The following VPS37C variants were observed in gnomAD, a reference collection of about 807,000 sequenced individuals.
The protein encoded by VPS37C is VPS37C subunit of ESCRT-I.
A neutral mutation model predicts 16.1 loss-of-function variants in VPS37C; 9 were observed. The ratio of observed to expected loss-of-function variants is 0.56; its 90% CI spans 0.34 to 0.97. VPS37C has a LOEUF of 0.97. Ranked by LOEUF, VPS37C falls within the 50% of genes least tolerant of loss-of-function variation. The probability of loss-of-function intolerance (pLI) is 0.02; values close to 1 mark genes in which losing one functional copy is unlikely to be tolerated. For missense variants in VPS37C, 479 were observed against 472.7 expected, an observed-to-expected ratio of 1.01 and a Z score of -0.12; for synonymous variants, 207 against 206.4, an observed-to-expected ratio of 1.00 and a Z score of -0.02.
intron 1 of VPS37C, among the ~76,000 whole-genome samples, chr11:61,154,177 T>A (rs1853345447): frequency 6.6e-6 from 1 of 151,912 alleles, no homozygotes; most frequent in Non-Finnish European, 1.5e-5. Context: ...ATTCACAACA[T>A]CTGATATACA....
rs1177969091 is a variant in VPS37C at position 61,132,053 on chromosome 11, C to T, written c.835G>A (p.Ala279Thr). ...CGCAAGGGGTACCCAGGCCCAGAGG[C>T]ACCCATTGGGGTCCCAGGATAGCCC... ...RPGYPGTPMG[A>T]SGPGYPLRGG... The change falls in exon 5 of 5, where the codon GCC (alanine) becomes ACC (threonine). Residue 279 changes from alanine to threonine, a missense_variant. Coordinates refer to ENST00000301765, the MANE Select transcript of VPS37C (RefSeq NM_017966.5). 9 of 1,390,130 alleles carry T rather than the reference C, an allele frequency of 6.5e-6. No homozygotes were observed. The highest frequency in any genetic ancestry group is 8.4e-6 in the Non-Finnish European group (9 of 1,068,076). 86.1% of individuals were successfully genotyped at this position (1,390,130 alleles called of 1,614,324 possible). A position where few individuals can be genotyped will look rare whatever the true frequency, so the allele number is the denominator to read the frequency against.
chr11:61,156,400 T>C (rs540268735), intron 1 of VPS37C, among the ~76,000 whole-genome samples: 17 of 152,228 alleles, frequency 1.1e-4, no homozygotes, highest in East Asian at 3.9e-4. Flanking sequence ...CTAGCCAACA[T>C]GGTGAAATCC....
chr11:61,132,100 T>C lies in VPS37C; in HGVS notation c.788A>G (p.Gln263Arg). ...RGAAGYSWSP[Q>R]RSMPPRPGYP... Reference sequence around the variant, plus strand: ...GCCCGGCCGGGGTGGCATGCTCCTCTGTGGGGACCAGGAGTAACCCGCAGC... The same window carrying C: ...GCCCGGCCGGGGTGGCATGCTCCTCCGTGGGGACCAGGAGTAACCCGCAGC... The change falls in exon 5 of 5, where the codon CAG becomes CGG. Residue 263 changes from glutamine to arginine, a missense_variant. Gln to Arg is a conservative substitution (Grantham distance 43, BLOSUM62 1). Transcript: ENST00000301765. 1 of 1,419,720 alleles carries C rather than the reference T, an allele frequency of 7.0e-7. No individual in the cohort carries two copies. The highest frequency in any genetic ancestry group is 9.2e-7 in the Non-Finnish European group (1 of 1,082,610). 87.9% of individuals were successfully genotyped at this position (1,419,720 alleles called of 1,614,324 possible). A position where few individuals can be genotyped will look rare whatever the true frequency, so the allele number is the denominator to read the frequency against.
At chr11:61,147,320 T>G (rs1436432363) in intron 1 of VPS37C, among the ~76,000 whole-genome samples, 1 of 152,212 alleles carries the variant, frequency 6.6e-6, no homozygotes, top group Non-Finnish European at 1.5e-5. Context: ...GCAGCATTTC[T>G]GGGTGCAGCC....
At chr11:61,134,774 A>T (rs1861335637) in intron 2 of VPS37C, among the ~76,000 whole-genome samples, 1 of 152,130 alleles carries the variant, frequency 6.6e-6, no homozygotes, top group South Asian at 2.1e-4. Flanking sequence ...TATGCCACAC[A>T]TGTGTCCTGC....
At chr11:61,147,183 G>A (rs1853225491) in intron 1 of VPS37C, among the ~76,000 whole-genome samples, 1 of 152,190 alleles carries the variant, frequency 6.6e-6, no homozygotes, top group African/African-American at 2.4e-5. Context: ...GTGGGGCAGA[G>A]GGGAGAGGTG....
chr11:61,135,623 T>C lies in VPS37C; in HGVS notation c.94-1416A>G, dbSNP rs552593093. 3.2e-4 allele frequency among the ~76,000 whole-genome samples: 49 copies of C among 152,312 alleles called. No homozygotes were observed. The South Asian group carries it at 0.01, about 32-fold the overall frequency. On this transcript the variant is annotated intron_variant, in intron 2 of 4. Transcript: ENST00000301765. ...TAAGTTCTTTTATTTTCTGTAGAGA[T>C]GGGGTTTCCCTACGTTGCCCAGGCT...
chr11:61,132,938 A>T, intron 4 of VPS37C: 2 of 531,412 alleles, frequency 3.8e-6, no homozygotes. Context: ...AGGTGGCCGG[A>T]GGGAAGCAGG....
In VPS37C at chr11:61,130,761, T is replaced by A; in HGVS notation, c.*1059A>T. ...CTGAAGACAGGGAGGTGTGAAAAAATTGCCCCTAATGTAGTGATGGTGTTT... is the reference window on the plus strand; with the variant it reads ...CTGAAGACAGGGAGGTGTGAAAAAAATGCCCCTAATGTAGTGATGGTGTTT... On this transcript the variant is annotated 3_prime_UTR_variant, in exon 5 of 5. Transcript: ENST00000301765. 2 of 420,632 alleles carry A rather than the reference T, an allele frequency of 4.8e-6. No individual in the cohort carries two copies. Among genetic ancestry groups the A allele is most frequent in the South Asian group, 3.4e-5 (2 of 58,846 alleles). The allele number at this position is 420,632 out of a possible 1,614,324, so 26.1% of individuals were successfully genotyped here.
intron 3 of VPS37C, 106 bp from the exon 4 acceptor site, chr11:61,133,443 AG>A (rs756088795): frequency 1.7e-6 from 2 of 1,161,584 alleles, no homozygotes; most frequent in Non-Finnish European, 2.5e-6. Context: ...CCACCACAGC[AG>A]GGTCCACCAA....
intron 1 of VPS37C, among the ~76,000 whole-genome samples, chr11:61,151,077 G>GCAGAGCCTGAACTGCAA (rs1464552506): frequency 1.3e-5 from 2 of 152,270 alleles, no homozygotes; most frequent in East Asian, 3.9e-4. Flanking sequence ...GGGAGGAAAC[G>GCAGAGCCTGAACTGCAA]CAGAGCCTGA....
chr11:61,132,557 C>A lies in VPS37C; in HGVS notation c.349-18G>T, dbSNP rs2134625538. The A allele has an allele frequency of 6.4e-7, 1 of 1,560,564 alleles. No homozygotes were observed. Among genetic ancestry groups the A allele is most frequent in the Non-Finnish European group, 8.7e-7 (1 of 1,151,536 alleles). ...GCCATGGCCTGGAAGACATAAGGTC[C>A]AGTGACAACAGGGGCAGCTGGGATC... On this transcript the variant is annotated intron_variant, in intron 4 of 4. Transcript: ENST00000301765.
At chr11:61,142,613 C>T (rs1861490103) in intron 1 of VPS37C, among the ~76,000 whole-genome samples, 1 of 152,102 alleles carries the variant, frequency 6.6e-6, no homozygotes, top group Non-Finnish European at 1.5e-5. Context: ...ATGGGTCATG[C>T]AGCCTCTGAA....
At position 61,130,507 on chromosome 11, in the gene VPS37C, C is replaced by T. The variant is rs1861234258; in HGVS notation, c.*1313G>A. The T allele has an allele frequency of 4.8e-6, 1 of 207,036 alleles. No homozygotes were observed. The highest frequency in any genetic ancestry group is 2.4e-5 in the African/African-American group (1 of 41,872). The allele number at this position is 207,036 out of a possible 1,614,324, so 12.8% of individuals were successfully genotyped here. On this transcript the variant is annotated 3_prime_UTR_variant, in exon 5 of 5. Transcript: ENST00000301765. The stretch of plus-strand genomic sequence containing the variant: ...CTTGGCCCCAGCAGCCCCGGGCCCA[C>T]CAGATGCTGCGTCCTCAGGTAGTGG...
In VPS37C at chr11:61,130,631, ACC is replaced by A. The variant is rs1039942122; in HGVS notation, c.*1187_*1188del. On this transcript the variant is annotated 3_prime_UTR_variant, in exon 5 of 5. Transcript: ENST00000301765. Reference sequence around the variant, plus strand: ...GAACAACCAAGTTAACACTCATCACACCCCCTTTGTCTATTGTATTCATTCTT... The same window carrying A: ...GAACAACCAAGTTAACACTCATCACACCCTTTGTCTATTGTATTCATTCTT... The A allele has an allele frequency of 1.0e-5, 3 of 291,938 alleles. No individual in the cohort carries two copies. Among genetic ancestry groups the A allele is most frequent in the African/African-American group, 7.1e-5 (3 of 42,200 alleles). The allele number at this position is 291,938 out of a possible 1,614,324, so 18.1% of individuals were successfully genotyped here.
intron 1 of VPS37C, among the ~76,000 whole-genome samples, chr11:61,148,949 G>C (rs750237950): frequency 6.6e-6 from 1 of 152,224 alleles, no homozygotes; most frequent in Non-Finnish European, 1.5e-5. Context: ...GGTTGGGGTT[G>C]GAGATTCCTC....
chr11:61,132,344 C>G lies in VPS37C; in HGVS notation c.544G>C (p.Val182Leu), dbSNP rs556654929. 2 of 1,598,706 alleles carry G rather than the reference C, an allele frequency of 1.3e-6. No individual in the cohort carries two copies. The highest frequency in any genetic ancestry group is 2.3e-5 in the East Asian group (1 of 44,328). The change falls in exon 5 of 5, where the codon GTC becomes CTC. Residue 182 changes from valine (V) to leucine (L), a missense_variant. Physicochemically the swap from Val to Leu is conservative, Grantham distance 32 (BLOSUM62 1). Coordinates refer to ENST00000301765, the MANE Select transcript of VPS37C (RefSeq NM_017966.5). The part of the protein sequence containing the change: ...PPRPPPPVRP[V>L]PQGTPPVVEE... ...ACCACAGGGGGTGTTCCCTGGGGGA[C>G]TGGGCGCACCGGGGGTGGTGGACGG... is the stretch of plus-strand genomic sequence containing the variant.
chr11:61,132,326 G>T lies in VPS37C; in HGVS notation c.562C>A (p.Pro188Thr). The T allele has an allele frequency of 6.3e-7, 1 of 1,598,912 alleles. No individual in the cohort carries two copies. The highest frequency in any genetic ancestry group is 8.5e-7 in the Non-Finnish European group (1 of 1,171,390). The change falls in exon 5 of 5, where the codon CCT becomes ACT. Residue 188 changes from proline to threonine, a missense_variant. Transcript: ENST00000301765. ...PVRPVPQGTPPVVEEQPQPPL... is the reference protein window; with the variant it reads ...PVRPVPQGTPTVVEEQPQPPL... ...GGCTGCGGCTGCTCTTCAACCACAG[G>T]GGGTGTTCCCTGGGGGACTGGGCGC...
intron 2 of VPS37C, among the ~76,000 whole-genome samples, chr11:61,135,293 C>A (rs1385545080): frequency 6.6e-6 from 1 of 152,242 alleles, no homozygotes; most frequent in Non-Finnish European, 1.5e-5. Flanking sequence ...CGAGGTCCTG[C>A]ACTCTGGGGC....
Sources: allele counts gnomAD v4.1 joint callset (sites outside exome capture counted in the v4.1 genomes callset), GRCh38; gene constraint gnomAD v4.1.1; transcripts MANE v1.5; gene names NCBI Gene and HGNC (gene_info 2026-07-23, HGNC 2026-07-21).